The following SIN3A variants were observed in gnomAD, a reference collection of about 807,000 sequenced individuals.
The protein encoded by SIN3A is paired amphipathic helix protein Sin3a.
In SIN3A, 14 loss-of-function variants were observed where a neutral mutation model predicts 146.1. That is an observed-to-expected ratio of 0.10 (90% confidence interval 0.06 to 0.15). The LOEUF is 0.15. SIN3A is among the 10% of genes least tolerant of loss of function. SIN3A has a pLI of 1.00. For synonymous variants in SIN3A, 572 were observed against 572.0 expected, an observed-to-expected ratio of 1.00 and a Z score of 0.00; for missense variants, 1,028 against 1,576.0, an observed-to-expected ratio of 0.65 and a Z score of 5.89.
At chr15:75,443,158 G>C (rs893719047) in intron 1 of SIN3A, among the ~76,000 whole-genome samples, 1 of 151,914 alleles carries the variant, frequency 6.6e-6, no homozygotes, top group South Asian at 2.1e-4. Context: ...TAACTTTACC[G>C]TCATCCTAAC....
chr15:75,419,316 G>A (rs757979438), intron 3 of SIN3A: 2 of 152,066 alleles, frequency 1.3e-5, no homozygotes, highest in Non-Finnish European at 2.9e-5. Flanking sequence ...TTTGCAAAAG[G>A]AACCAAGACT....
At chr15:75,409,691 C>A (rs1567363646) in intron 8 of SIN3A, 145 bp downstream of exon 8, 7 of 812,824 alleles carry the variant, frequency 8.6e-6, no homozygotes, top group Non-Finnish European at 1.4e-5. Context: ...CGTGCCACTG[C>A]ACTCCAGCTT....
chr15:75,401,280 C>G (rs1168382960), intron 10 of SIN3A, among the ~76,000 whole-genome samples: 1 of 152,076 alleles, frequency 6.6e-6, no homozygotes, highest in Non-Finnish European at 1.5e-5. Context: ...GTAATCCCAG[C>G]ACTTTGGGAG....
chr15:75,429,508 GA>G, intron 2 of SIN3A, among the ~76,000 whole-genome samples: 1 of 152,318 alleles, frequency 6.6e-6, no homozygotes, highest in South Asian at 2.1e-4. Flanking sequence ...CACTGTCCAA[GA>G]GTCAGCCATA....
intron 1 of SIN3A, among the ~76,000 whole-genome samples, chr15:75,434,805 G>A (rs540205189): frequency 1.8e-3 from 272 of 151,338 alleles, no homozygotes; most frequent in African/African-American, 6.2e-3. Context: ...AAAATTAGCC[G>A]GGCATGGTGG....
rs183950576 is a variant in SIN3A, at chr15:75,433,161, G to C, written c.-33-2753C>G. Among the ~76,000 whole-genome samples, 517 of 152,266 alleles carry C rather than the reference G, an allele frequency of 3.4e-3. 8 individuals are homozygous for C. The highest frequency in any genetic ancestry group is 2.4e-3 in the Non-Finnish European group (160 of 68,020). ...AAGAACTGGATTCTGTTGGATGGGA[G>C]AATGTTTGAGGGCAAAAAATAAAAA... On this transcript the variant is annotated intron_variant, in intron 1 of 20. Transcript: ENST00000394947.
intron 9 of SIN3A, among the ~76,000 whole-genome samples, chr15:75,404,974 T>C (rs1325340510): frequency 6.6e-6 from 1 of 151,408 alleles, no homozygotes; most frequent in Non-Finnish European, 1.5e-5. Flanking sequence ...TGAGACCCCC[T>C]CTCTCCAAAA....
intron 20 of SIN3A, among the ~76,000 whole-genome samples, chr15:75,375,033 G>A (rs756294834): frequency 1.3e-5 from 2 of 152,178 alleles, no homozygotes; most frequent in Non-Finnish European, 2.9e-5. Flanking sequence ...CAAAAGATCA[G>A]ATACTACTTG....
At chr15:75,451,923 G>A (rs1163006936), upstream of SIN3A, among the ~76,000 whole-genome samples, 1 of 151,912 alleles carries the variant, frequency 6.6e-6, no homozygotes, top group Non-Finnish European at 1.5e-5. Context: ...ATTGGAGACG[G>A]ACTGCTGAAG....
At chr15:75,399,228 A>T (rs1296330763) in intron 12 of SIN3A, among the ~76,000 whole-genome samples, 1 of 151,896 alleles carries the variant, frequency 6.6e-6, no homozygotes, top group East Asian at 1.9e-4. Context: ...TCAAAAAAAC[A>T]AAACAAAACA....
At chr15:75,413,078 G>C in intron 4 of SIN3A, 33 bp from the exon 5 acceptor site, 1 of 1,567,826 alleles carries the variant, frequency 6.4e-7, no homozygotes, top group Non-Finnish European at 8.6e-7. Flanking sequence ...GTGATAAACT[G>C]TAAGCTTAAC....
rs1595888750 is a variant in SIN3A at position 75,381,605 on chromosome 15, G to A, written c.3288+8C>T. The A allele has an allele frequency of 6.2e-7, 1 of 1,608,448 alleles. No homozygotes were observed. Among genetic ancestry groups the A allele is most frequent in the Non-Finnish European group, 8.5e-7 (1 of 1,175,434 alleles). On this transcript the variant is annotated splice_region_variant and intron_variant, in intron 18 of 20. Coordinates refer to ENST00000394947, the MANE Select transcript of SIN3A (RefSeq NM_001145358.2). ...GGCACCTGGGGTCTGTGATGTACTT[G>A]CTCATACCTCTGCTTCCACAGGGTC... is the stretch of plus-strand genomic sequence containing the variant.
chr15:75,377,072 G>A (rs533800863), intron 19 of SIN3A, among the ~76,000 whole-genome samples: 1 of 152,208 alleles, frequency 6.6e-6, no homozygotes, highest in South Asian at 2.1e-4. Context: ...CACCATTAAA[G>A]TAATGGTGAA....
intron 9 of SIN3A, among the ~76,000 whole-genome samples, chr15:75,402,264 C>A (rs1208516393): frequency 2.0e-5 from 3 of 152,210 alleles, no homozygotes; most frequent in Non-Finnish European, 2.9e-5. Context: ...ATAATCCCAG[C>A]ACTTTGGGAG....
upstream of SIN3A, among the ~76,000 whole-genome samples, chr15:75,454,586 AT>A (rs1284796053): frequency 6.7e-6 from 1 of 149,478 alleles, no homozygotes; most frequent in Non-Finnish European, 1.5e-5. Flanking sequence ...CCGCTGATGC[AT>A]TTCCTTTTCC....
intron 16 of SIN3A, among the ~76,000 whole-genome samples, chr15:75,389,318 C>A (rs913442971): frequency 8.9e-5 from 13 of 146,710 alleles, no homozygotes; most frequent in Admixed American, 2.0e-4. Flanking sequence ...AAAAAAAAAA[C>A]TTACCAACAC....
intron 11 of SIN3A, 55 bp from the exon 12 acceptor site, chr15:75,400,211 T>C (rs1256902200): frequency 3.2e-6 from 3 of 939,082 alleles, no homozygotes; most frequent in East Asian, 4.8e-5. Context: ...TTTCTGGTGA[T>C]TAAGCATTCT....
At chr15:75,452,379 G>A (rs1488399684), upstream of SIN3A, among the ~76,000 whole-genome samples, 2 of 152,198 alleles carry the variant, frequency 1.3e-5, no homozygotes, top group African/African-American at 4.8e-5. Flanking sequence ...CTCATCAGCG[G>A]AGACTCCACA....
chr15:75,431,683 G>T (rs2074016418), intron 1 of SIN3A, among the ~76,000 whole-genome samples: 1 of 151,862 alleles, frequency 6.6e-6, no homozygotes, highest in Non-Finnish European at 1.5e-5. Flanking sequence ...TAATTCATAA[G>T]TCTACCCAAG....
Sources: allele counts gnomAD v4.1 joint callset (sites outside exome capture counted in the v4.1 genomes callset), GRCh38; gene constraint gnomAD v4.1.1; transcripts MANE v1.5; gene names NCBI Gene and HGNC (gene_info 2026-07-23, HGNC 2026-07-21).